Variants in PLEKHG5 observed in about 807,000 individuals in gnomAD.
PLEKHG5 encodes pleckstrin homology domain-containing family G member 5.
A neutral mutation model predicts 103.8 loss-of-function variants in PLEKHG5; 52 were observed. That is an observed-to-expected ratio of 0.50 (90% CI 0.40 to 0.63). The LOEUF (loss-of-function observed/expected upper bound fraction) is 0.63, where lower values mean the gene tolerates loss of function less well. Among genes scored for constraint, PLEKHG5 ranks in the 30% least tolerant of loss-of-function variants. The pLI is 0.00. For missense variants in PLEKHG5, 1,205 were observed against 1,347.6 expected (o/e 0.89, Z 1.66); for synonymous variants, 592 against 575.5 (o/e 1.03, Z -0.41).
chr1:6,516,763 A>G (rs1014472713), intron 1 of PLEKHG5, among the ~76,000 whole-genome samples: 21 of 46,116 alleles, frequency 4.6e-4, no homozygotes, highest in Non-Finnish European at 9.9e-4. Context: ...GTATATATAT[A>G]TGTGTATATA....
At chr1:6,500,389 C>T (rs1202329840), upstream of PLEKHG5, among the ~76,000 whole-genome samples, 1 of 152,064 alleles carries the variant, frequency 6.6e-6, no homozygotes, top group African/African-American at 2.4e-5. Flanking sequence ...AGGGGGGCGG[C>T]CTCCTCTGCC....
chr1:6,513,435 A>C (rs977040719), intron 1 of PLEKHG5, among the ~76,000 whole-genome samples: 3 of 152,298 alleles, frequency 2.0e-5, no homozygotes, highest in Admixed American at 1.3e-4. Context: ...GCTGAGACTC[A>C]GACTAAGACC....
chr1:6,512,210 C>CGT, intron 1 of PLEKHG5, among the ~76,000 whole-genome samples: 1 of 152,318 alleles, frequency 6.6e-6, no homozygotes, highest in East Asian at 1.9e-4. Flanking sequence ...TGTCCACCAC[C>CGT]CTCCATACCA....
chr1:6,488,806 G>C (rs1456258133), intron 1 of PLEKHG5, among the ~76,000 whole-genome samples: 1 of 152,136 alleles, frequency 6.6e-6, no homozygotes, highest in Non-Finnish European at 1.5e-5. Flanking sequence ...CCCAGCTCCA[G>C]GCTTGTGAGT....
rs763527367 is a variant in PLEKHG5 at position 6,472,640 on chromosome 1, T to A, written c.985-18A>T. ...GTCAGCTTCTAGAGGGAGGGCAGGA[T>A]GGGTCATTCACGAGGCCTGGAGCAC... is the stretch of plus-strand genomic sequence containing the variant. On this transcript the variant is annotated intron_variant, in intron 9 of 20. Coordinates refer to ENST00000377728, the MANE Select transcript of PLEKHG5 (RefSeq NM_020631.6). 3.1e-6 allele frequency: 5 copies of A among 1,592,436 alleles called. 1 individual carries two copies. In the Admixed American group the frequency reaches 8.4e-5, roughly 27 times the overall value.
At chr1:6,519,967 GC>G in exon 1 of PLEKHG5, 2 of 245,894 alleles carry the variant, frequency 8.1e-6, no homozygotes, top group South Asian at 1.0e-4. Context: ...GCCAGCAGCA[GC>G]CCCTCTGCTG....
At chr1:6,470,966 C>T (rs558022226) in intron 13 of PLEKHG5, 24 bp downstream of exon 13, 2 of 1,572,562 alleles carry the variant, frequency 1.3e-6, no homozygotes, top group South Asian at 2.3e-5. Flanking sequence ...CCTGCGCCCC[C>T]GCCCACGGCA....
chr1:6,497,582 C>T (rs571536244), upstream of PLEKHG5, among the ~76,000 whole-genome samples: 13 of 152,184 alleles, frequency 8.5e-5, 1 homozygote, highest in South Asian at 2.3e-3. This position sits in a 1 kb window ranked among gnomAD's most constrained non-coding sequence, Gnocchi z 6.1. Flanking sequence ...CCGGAGGCTG[C>T]CTCCACCTCC....
chr1:6,501,465 C>T (rs1301958673), upstream of PLEKHG5, among the ~76,000 whole-genome samples: 1 of 152,178 alleles, frequency 6.6e-6, no homozygotes, highest in Non-Finnish European at 1.5e-5. The surrounding 1 kb of genome is among the most constrained non-coding windows in gnomAD (Gnocchi z 4.3). Flanking sequence ...AACCTTTGAA[C>T]CAACACCGAC....
At position 6,470,338 on chromosome 1, in the gene PLEKHG5, C is replaced by G; in HGVS notation, c.1698G>C (p.Leu566=). 1 of 1,614,106 alleles carries G rather than the reference C, an allele frequency of 6.2e-7. No individual in the cohort carries two copies. Residue 566 remains leucine, a synonymous_variant, in exon 16 of 21, where the codon CTG becomes CTC. Transcript: ENST00000377728. ...DEVDKLLKEF[L]HLDLTAPIPG... is the part of the protein sequence containing the mutation. ...GGATGGGCGCTGTCAAGTCCAGGTG[C>G]AGAAATTCCTTCAGGAGCTGGGGAC...
intron 1 of PLEKHG5, among the ~76,000 whole-genome samples, chr1:6,503,520 G>C (rs1400818756): frequency 6.7e-6 from 1 of 150,294 alleles, no homozygotes; most frequent in Non-Finnish European, 1.5e-5. Context: ...TGATTCTCCT[G>C]CCTCAGCCTC....
intron 3 of PLEKHG5, 70 bp from the exon 4 acceptor site, chr1:6,475,592 C>T (rs1303643062): frequency 8.4e-6 from 11 of 1,312,374 alleles, no homozygotes; most frequent in African/African-American, 1.4e-5. Flanking sequence ...GGCGAGTGGG[C>T]CTGTGGCCTC....
upstream of PLEKHG5, chr1:6,497,348 G>A (rs1254487999): frequency 4.8e-6 from 5 of 1,045,528 alleles, no homozygotes; most frequent in Non-Finnish European, 6.0e-6. This position sits in a 1 kb window ranked among gnomAD's most constrained non-coding sequence, Gnocchi z 6.1. Flanking sequence ...GCCGCGCGGG[G>A]GGCGGGCGGC....
intron 1 of PLEKHG5, chr1:6,485,263 G>A: frequency 8.7e-7 from 1 of 1,145,554 alleles, no homozygotes; most frequent in Non-Finnish European, 1.1e-6. Context: ...GCACAGGACT[G>A]GGCGGCTGCA....
rs747331732 is a variant in PLEKHG5, at chr1:6,474,465, T to C, written c.425A>G (p.Tyr142Cys). ...CTGCTTCTCACCTTTGACACGAAGGTAGTGTCCCCCGAACCTGTAGGCCTC... is the reference window on the plus strand; with the variant it reads ...CTGCTTCTCACCTTTGACACGAAGGCAGTGTCCCCCGAACCTGTAGGCCTC... ...TFEAYRFGGH[Y>C]LRVKAPAKPG... The change falls in exon 6 of 21, where the codon TAC becomes TGC. Residue 142 changes from tyrosine (Y) to cysteine (C), a missense_variant. Coordinates refer to ENST00000377728, the MANE Select transcript of PLEKHG5 (RefSeq NM_020631.6). 6.2e-7 allele frequency: 1 copy of C among 1,613,818 alleles called. No individual in the cohort carries two copies.
rs765636442 is a variant in PLEKHG5 at position 6,467,990 on chromosome 1, G to C, written c.2846C>G (p.Pro949Arg). 6.4e-7 allele frequency: 1 copy of C among 1,555,186 alleles called. No homozygotes were observed. The highest frequency in any genetic ancestry group is 8.7e-7 in the Non-Finnish European group (1 of 1,151,696). Residue 949 changes from proline (P) to arginine (R), a missense_variant, in exon 20 of 21, where the codon CCT (proline) becomes CGT (arginine). Transcript: ENST00000377728. The part of the protein sequence containing the change: ...PGLVGCLAGE[P>R]AGSHRKRCGD... ...ACACCTCTTCCTGTGGGAGCCTGCA[G>C]GTTCCCCGGCCAGGCAGCCGACTAG...
chr1:6,496,693 G>C (rs773041440), exon 1 of PLEKHG5: 2 of 657,964 alleles, frequency 3.0e-6, no homozygotes, highest in Non-Finnish European at 4.9e-6. Context: ...AGAGGTCAGC[G>C]TCCCTTTCTC....
chr1:6,467,796 C>T, intron 20 of PLEKHG5, 29 bp downstream of exon 20: 1 of 1,611,880 alleles, frequency 6.2e-7, no homozygotes. Flanking sequence ...CCCTGAGCCA[C>T]CTGCCCTACC....
intron 1 of PLEKHG5, among the ~76,000 whole-genome samples, chr1:6,482,277 G>A (rs1466561919): frequency 6.6e-6 from 1 of 152,158 alleles, no homozygotes; most frequent in Non-Finnish European, 1.5e-5. Flanking sequence ...CATTCGCAAG[G>A]ACAGAAATGT....
Sources: gnomAD v4.1 joint callset for allele counts (sites outside exome capture counted in the v4.1 genomes callset) on GRCh38, gnomAD v4.1.1 for gene constraint, Gnocchi (gnomAD v3.1) non-coding constraint, MANE v1.5 for transcripts, NCBI Gene and HGNC (gene_info 2026-07-23, HGNC 2026-07-21) for gene names.